RANBP9: variants seen among roughly 807,000 people sequenced by gnomAD.
RANBP9 encodes ran-binding protein 9.
In RANBP9, 15 loss-of-function variants were observed where a neutral mutation model predicts 84.3. That is an observed-to-expected ratio of 0.18 (90% CI 0.12 to 0.27). RANBP9 has a LOEUF of 0.27. Among genes scored for constraint, RANBP9 ranks in the 10% least tolerant of loss-of-function variants. RANBP9 has a pLI of 1.00. For synonymous variants in RANBP9, 392 were observed against 349.6 expected (o/e 1.12, Z -1.35); for missense variants, 809 against 912.8 (o/e 0.89, Z 1.46).
chr6:13,692,609 T>C (rs1435585528), intron 2 of RANBP9, among the ~76,000 whole-genome samples: 1 of 150,316 alleles, frequency 6.7e-6, no homozygotes, highest in Non-Finnish European at 1.5e-5. Context: ...CCCAGCACTT[T>C]GGGTGGCAGA....
chr6:13,648,133 T>C (rs1022875996), intron 5 of RANBP9, among the ~76,000 whole-genome samples: 1 of 147,944 alleles, frequency 6.8e-6, no homozygotes, highest in Non-Finnish European at 1.5e-5. Flanking sequence ...TGTGATCTTA[T>C]ATGACTGGTT....
chr6:13,700,857 G>T (rs1022908309), intron 1 of RANBP9, among the ~76,000 whole-genome samples: 3 of 152,154 alleles, frequency 2.0e-5, no homozygotes, highest in Non-Finnish European at 4.4e-5. Flanking sequence ...TCTGATTAAT[G>T]CCTACAAAGT....
chr6:13,679,234 T>TCAGCTGCATCTTTCTC (rs1425146182), intron 2 of RANBP9, among the ~76,000 whole-genome samples: 2 of 152,210 alleles, frequency 1.3e-5, no homozygotes, highest in South Asian at 2.1e-4. Context: ...GCATCTTTCT[T>TCAGCTGCATCTTTCTC]CAGCTGCATC....
intron 12 of RANBP9, among the ~76,000 whole-genome samples, chr6:13,632,015 T>G (rs553585451): frequency 6.6e-6 from 1 of 151,990 alleles, no homozygotes; most frequent in Non-Finnish European, 1.5e-5. Context: ...CACGCCCACA[T>G]TGCTCCTAGT....
At chr6:13,703,359 G>C (rs1758023083) in intron 1 of RANBP9, among the ~76,000 whole-genome samples, 1 of 152,050 alleles carries the variant, frequency 6.6e-6, no homozygotes, top group African/African-American at 2.4e-5. Context: ...ACCTACAAGT[G>C]ACTCCTAAAT....
chr6:13,648,141 GTTTTTTTT>G (rs375219477), intron 5 of RANBP9, among the ~76,000 whole-genome samples: 7 of 80,646 alleles, frequency 8.7e-5, no homozygotes, highest in East Asian at 3.6e-4. Flanking sequence ...TATATGACTG[GTTTTTTTT>G]TTTTTTTTTT....
chr6:13,662,178 T>A (rs1479332123), intron 2 of RANBP9, among the ~76,000 whole-genome samples: 1 of 152,154 alleles, frequency 6.6e-6, no homozygotes, highest in African/African-American at 2.4e-5. Context: ...ATTATCAATT[T>A]AAAAAATACT....
At chr6:13,660,784 A>T (rs998683004) in intron 2 of RANBP9, among the ~76,000 whole-genome samples, 1 of 152,262 alleles carries the variant, frequency 6.6e-6, no homozygotes, top group African/African-American at 2.4e-5. Flanking sequence ...GTGACAAAAC[A>T]TTAAGAAACA....
intron 2 of RANBP9, among the ~76,000 whole-genome samples, chr6:13,660,293 G>A (rs775100684): frequency 8.5e-5 from 13 of 152,150 alleles, no homozygotes; most frequent in Non-Finnish European, 1.5e-4. Context: ...AGGATCTTTT[G>A]AGCCCAAGAA....
In RANBP9 at chr6:13,706,188, C is replaced by T. The variant is rs143681723; in HGVS notation, c.571+4747G>A. The stretch of plus-strand genomic sequence containing the variant: ...TGAAACCCTATCTCTACTAAAAATA[C>T]AAAAAATTAGCCGGGCGTCGCGGCG... On this transcript the variant is annotated intron_variant, in intron 1 of 13. Transcript: ENST00000011619. Among the ~76,000 whole-genome samples the T allele has an allele frequency of 3.3e-3, 505 of 151,808 alleles. 2 individuals are homozygous for T. Among genetic ancestry groups the T allele is most frequent in the African/African-American group, 0.012 (492 of 41,408 alleles).
chr6:13,704,633 A>G (rs1321030609), intron 1 of RANBP9, among the ~76,000 whole-genome samples: 2 of 151,970 alleles, frequency 1.3e-5, no homozygotes, highest in Admixed American at 1.3e-4. Context: ...CCTGCCTCAA[A>G]AGAGAAAAAA....
Position 13,710,940 on chromosome 6 carries a change from T to C in RANBP9, c.566A>G (p.Tyr189Cys). 6.2e-7 allele frequency: 1 copy of C among 1,606,300 alleles called. No homozygotes were observed. Among genetic ancestry groups the C allele is most frequent in the Non-Finnish European group, 8.5e-7 (1 of 1,176,752 alleles). ...GLSQNNLRVH[Y>C]KGHGKTPKDA... ...GCAGGACACACGCCCAGTACCTTTG[T>C]AGTGCACCCGCAGGTTGTTCTGAGA... Residue 189 changes from tyrosine (Y) to cysteine (C), a missense_variant, in exon 1 of 14, where the codon TAC becomes TGC. Coordinates refer to ENST00000011619, the MANE Select transcript of RANBP9 (RefSeq NM_005493.3).
intron 6 of RANBP9, 26 bp from the exon 7 acceptor site, chr6:13,642,617 A>T: frequency 1.4e-6 from 2 of 1,433,570 alleles, no homozygotes; most frequent in Non-Finnish European, 1.9e-6. Context: ...AGAAACATAC[A>T]TCTTTTAGTG....
intron 1 of RANBP9, among the ~76,000 whole-genome samples, chr6:13,705,254 A>C (rs2113370017): frequency 6.6e-6 from 1 of 151,948 alleles, no homozygotes; most frequent in African/African-American, 2.4e-5. Context: ...ATATACAAAA[A>C]TTAGCCAGGC....
At chr6:13,707,211 G>A (rs1457348422) in intron 1 of RANBP9, among the ~76,000 whole-genome samples, 2 of 151,982 alleles carry the variant, frequency 1.3e-5, no homozygotes, top group Non-Finnish European at 2.9e-5. Context: ...TAGAGACGGG[G>A]TCCCACTATG....
rs201643918 is a variant in RANBP9, at chr6:13,632,502, C to A, written c.1815G>T (p.Leu605Phe). 30 of 1,613,540 alleles carry A rather than the reference C, an allele frequency of 1.9e-5. No individual in the cohort carries two copies. The African/African-American group carries it at 3.7e-4, about 20-fold the overall frequency. ...GACTTCCTCCACACAACTGGCGTCT[C>A]AACTGACTTGAATCAACTTCTGTAA... ...DTEMEVDSSQ[L>F]RRQLCGGSQA... The change falls in exon 12 of 14, where the codon TTG becomes TTT. Residue 605 changes from leucine (L) to phenylalanine (F), a missense_variant. Around this residue, in one of 5 missense-constraint regions of RANBP9, gnomAD observed 233 missense variants for 234.4 expected, o/e 0.99. Coordinates refer to ENST00000011619, the MANE Select transcript of RANBP9 (RefSeq NM_005493.3).
intron 1 of RANBP9, among the ~76,000 whole-genome samples, chr6:13,703,027 G>A (rs1191315041): frequency 6.6e-6 from 1 of 152,210 alleles, no homozygotes; most frequent in Non-Finnish European, 1.5e-5. Context: ...TGGGGAGGCT[G>A]TTTGAGACAG....
chr6:13,702,834 C>T (rs1395193650), intron 1 of RANBP9, among the ~76,000 whole-genome samples: 2 of 152,130 alleles, frequency 1.3e-5, no homozygotes, highest in African/African-American at 4.8e-5. Context: ...TCTACTTGGT[C>T]CTTTCATTTA....
chr6:13,634,051 A>G (rs934593353), intron 11 of RANBP9, among the ~76,000 whole-genome samples: 2 of 58,334 alleles, frequency 3.4e-5, no homozygotes, highest in African/African-American at 1.5e-4. Flanking sequence ...TTTAAGAAAT[A>G]CTGATTAGAA....
Sources: allele counts gnomAD v4.1 joint callset (sites outside exome capture counted in the v4.1 genomes callset), GRCh38; gene constraint gnomAD v4.1.1; regional missense constraint gnomAD v4.1.1; transcripts MANE v1.5; gene names NCBI Gene and HGNC (gene_info 2026-07-23, HGNC 2026-07-21).